AAK1: variants seen among roughly 807,000 people sequenced by gnomAD.
AAK1 encodes AP2 associated kinase 1.
Under a neutral mutation model 116.0 loss-of-function variants are expected in AAK1, and 37 were observed. The observed-to-expected ratio is 0.32, with a 90% CI of 0.25 to 0.42. The LOEUF (loss-of-function observed/expected upper bound fraction) is 0.42. Among genes scored for constraint, AAK1 ranks in the 10% least tolerant of loss-of-function variants. The pLI is 1.00. For missense variants in AAK1, 919 were observed against 1,170.6 expected (o/e 0.79, Z 3.14); for synonymous variants, 458 against 439.9 (o/e 1.04, Z -0.51).
Position 69,471,638 on chromosome 2 carries a change from A to G in AAK1, c.*4231T>C. 1 of 985,406 alleles carries G rather than the reference A, an allele frequency of 1.0e-6. No individual in the cohort carries two copies. Among genetic ancestry groups the G allele is most frequent in the African/African-American group, 1.7e-5 (1 of 57,360 alleles). The allele number at this position is 985,406 out of a possible 1,614,324, so 61.0% of individuals were successfully genotyped here. On this transcript the variant is annotated 3_prime_UTR_variant, in exon 22 of 22. Transcript: ENST00000409085. ...CTATGGGAGCCTGATAATCTTGCAG[A>G]CAGAGAAGGTTAAGGACTCTGGGAA... is the stretch of plus-strand genomic sequence containing the variant.
At chr2:69,628,627 A>G (rs1254761542) in intron 2 of AAK1, among the ~76,000 whole-genome samples, 1 of 152,238 alleles carries the variant, frequency 6.6e-6, no homozygotes, top group Non-Finnish European at 1.5e-5. Flanking sequence ...AAATCACCAC[A>G]TAATTGCTGG....
intron 2 of AAK1, among the ~76,000 whole-genome samples, chr2:69,558,339 CAA>C (rs35878234): frequency 1.6e-4 from 21 of 133,588 alleles, no homozygotes; most frequent in South Asian, 2.4e-4. Context: ...GACCCTGTCT[CAA>C]AAAAAAAAAA....
chr2:69,619,409 G>A (rs1674486640), intron 2 of AAK1, among the ~76,000 whole-genome samples: 1 of 152,156 alleles, frequency 6.6e-6, no homozygotes, highest in Non-Finnish European at 1.5e-5. Flanking sequence ...CTGTCTCAGA[G>A]TGTGAAATTT....
intron 3 of AAK1, among the ~76,000 whole-genome samples, chr2:69,545,004 T>G (rs1440597057): frequency 6.6e-6 from 1 of 152,110 alleles, no homozygotes; most frequent in East Asian, 1.9e-4. Context: ...GTTCGTACTG[T>G]TTTTTTCCTT....
At chr2:69,506,878 G>GTGTGTGTGTA (rs1676205800) in intron 15 of AAK1, among the ~76,000 whole-genome samples, 1 of 151,856 alleles carries the variant, frequency 6.6e-6, no homozygotes, top group African/African-American at 2.4e-5. Flanking sequence ...CTGTGTGTGT[G>GTGTGTGTGTA]TGTGTGTGTG....
At chr2:69,564,095 G>A (rs943247389) in intron 2 of AAK1, among the ~76,000 whole-genome samples, 1 of 152,070 alleles carries the variant, frequency 6.6e-6, no homozygotes, top group Non-Finnish European at 1.5e-5. Flanking sequence ...GGAAGGCTGA[G>A]GCAGGAGAAT....
intron 2 of AAK1, among the ~76,000 whole-genome samples, chr2:69,637,272 T>G (rs776319441): frequency 3.1e-4 from 47 of 152,302 alleles, no homozygotes; most frequent in Non-Finnish European, 6.2e-4. Flanking sequence ...CCCACAAAAT[T>G]GTTGCCTTGG....
At chr2:69,593,129 T>C (rs1053987773) in intron 2 of AAK1, among the ~76,000 whole-genome samples, 7 of 152,224 alleles carry the variant, frequency 4.6e-5, no homozygotes, top group Non-Finnish European at 7.3e-5. Context: ...ATAAGATACA[T>C]TGGAAGCATT....
chr2:69,519,138 G>A lies in AAK1; in HGVS notation c.1313C>T (p.Ala438Val), dbSNP rs1368985158. 6.4e-7 allele frequency: 1 copy of A among 1,568,666 alleles called. No homozygotes were observed. Among genetic ancestry groups the A allele is most frequent in the East Asian group, 2.3e-5 (1 of 42,658 alleles). Residue 438 changes from alanine (A) to valine (V), a missense_variant, in exon 12 of 22, where the codon GCT (alanine) becomes GTT (valine). This residue lies in a region of AAK1 where 214 missense variants were observed against 210.6 expected (regional missense o/e 1.02). Transcript: ENST00000409085. ...LPQTQAKQPQ[A>V]PPTPQQTPST... ...AGGCGTCTGCTGTGGAGTGGGAGGA[G>A]CCTGTGGCTGCTTGGCCTGAGTTTG...
rs549296118 is a variant in AAK1 at position 69,640,817 on chromosome 2, C to T, written c.163+2061G>A. On this transcript the variant is annotated intron_variant, in intron 2 of 21. Coordinates refer to ENST00000409085, the MANE Select transcript of AAK1 (RefSeq NM_014911.5). Reference sequence around the variant, plus strand: ...AGTCACTTCCTTCAGAAATCCTGGGCTCCCTAAAACTGGGGGCCACTGCAC... The same window carrying T: ...AGTCACTTCCTTCAGAAATCCTGGGTTCCCTAAAACTGGGGGCCACTGCAC... Among the ~76,000 whole-genome samples, 19 of 152,326 alleles carry T rather than the reference C, an allele frequency of 1.2e-4. No homozygotes were observed. In the South Asian group the frequency reaches 2.3e-3, roughly 18 times the overall value.
intron 2 of AAK1, among the ~76,000 whole-genome samples, chr2:69,631,417 A>G (rs937479792): frequency 2.0e-5 from 3 of 152,250 alleles, no homozygotes; most frequent in African/African-American, 7.2e-5. Context: ...TGCTATGCTT[A>G]GCCTTCTATA....
intron 17 of AAK1, among the ~76,000 whole-genome samples, chr2:69,489,240 C>G (rs544390074): frequency 5.3e-5 from 8 of 151,690 alleles, no homozygotes; most frequent in Admixed American, 2.6e-4. Context: ...CACCTGAGGT[C>G]AGGAGTTCAA....
chr2:69,514,179 G>T (rs1402308592), intron 13 of AAK1, among the ~76,000 whole-genome samples: 1 of 152,196 alleles, frequency 6.6e-6, no homozygotes, highest in Non-Finnish European at 1.5e-5. Flanking sequence ...TGTTCAAAGT[G>T]ACACAGACAG....
At chr2:69,615,269 A>G (rs1164181434) in intron 2 of AAK1, among the ~76,000 whole-genome samples, 2 of 152,154 alleles carry the variant, frequency 1.3e-5, no homozygotes, top group African/African-American at 4.8e-5. Context: ...CGCAGGCCAG[A>G]ATAGTTCAGT....
intron 5 of AAK1, 98 bp from the exon 6 acceptor site, chr2:69,532,260 G>T: frequency 7.0e-7 from 1 of 1,433,748 alleles, no homozygotes; most frequent in Non-Finnish European, 9.6e-7. Context: ...TTTATTTCTG[G>T]CAGTCTCATT....
rs532475355 is a variant in AAK1, at chr2:69,473,965, C to G, written c.*1904G>C. ...TTGCTTTTTAATCCTCGGCAGGAAG[C>G]TTGTGCCTCTCTCAGTTTTGGAAAT... On this transcript the variant is annotated 3_prime_UTR_variant, in exon 22 of 22. Coordinates refer to ENST00000409085, the MANE Select transcript of AAK1 (RefSeq NM_014911.5). The G allele has an allele frequency of 8.1e-6, 8 of 985,808 alleles. No homozygotes were observed. In the East Asian group the frequency reaches 8.0e-4, roughly 98 times the overall value. 61.1% of individuals were successfully genotyped at this position (985,808 alleles called of 1,614,324 possible).
At chr2:69,591,027 G>T (rs1673005219) in intron 2 of AAK1, among the ~76,000 whole-genome samples, 1 of 152,202 alleles carries the variant, frequency 6.6e-6, no homozygotes. Flanking sequence ...GATGAATTCT[G>T]AAAGACTGGT....
chr2:69,521,577 T>C (rs1669780008), intron 10 of AAK1, among the ~76,000 whole-genome samples: 3 of 152,330 alleles, frequency 2.0e-5, no homozygotes, highest in South Asian at 2.1e-4. Flanking sequence ...TTTCTTCCAA[T>C]ATACATACTA....
intron 9 of AAK1, among the ~76,000 whole-genome samples, chr2:69,526,748 G>A (rs983867377): frequency 6.6e-6 from 1 of 152,354 alleles, no homozygotes; most frequent in Non-Finnish European, 1.5e-5. Flanking sequence ...AGAGGAGTGT[G>A]AGTTATAAAT....
Sources: gnomAD v4.1 joint callset for allele counts (sites outside exome capture counted in the v4.1 genomes callset) on GRCh38, gnomAD v4.1.1 for gene constraint, gnomAD v4.1.1 regional missense constraint, MANE v1.5 for transcripts, NCBI Gene and HGNC (gene_info 2026-07-23, HGNC 2026-07-21) for gene names.